Variants in DLGAP2 observed in about 807,000 individuals in gnomAD.
DLGAP2 encodes the protein DLG associated protein 2.
Under a neutral mutation model 100.3 loss-of-function variants are expected in DLGAP2, and 26 were observed. The ratio of observed to expected loss-of-function variants is 0.26; its 90% CI spans 0.19 to 0.36. The LOEUF is 0.36. Ranked by LOEUF, DLGAP2 falls within the 10% of genes least tolerant of loss-of-function variation. The pLI is 1.00. For missense variants in DLGAP2, 1,858 were observed against 1,453.2 expected, an observed-to-expected ratio of 1.28 and a Z score of -4.53; for synonymous variants, 886 against 630.1, an observed-to-expected ratio of 1.41 and a Z score of -6.08.
chr8:980,627 A>G (rs1800304279), intron 2 of DLGAP2, among the ~76,000 whole-genome samples: 1 of 152,196 alleles, frequency 6.6e-6, no homozygotes, highest in Admixed American at 6.5e-5. Context: ...ACAGAGGTGA[A>G]TCCAGGTGGG....
At chr8:1,689,487 C>T (rs959495601) in intron 12 of DLGAP2, among the ~76,000 whole-genome samples, 15 of 152,256 alleles carry the variant, frequency 9.9e-5, no homozygotes, top group Non-Finnish European at 2.1e-4. Context: ...TTTTCCTACA[C>T]CATTTTCCAC....
intron 13 of DLGAP2, among the ~76,000 whole-genome samples, chr8:1,694,763 A>G (rs936287947): frequency 1.3e-5 from 2 of 152,072 alleles, no homozygotes; most frequent in Non-Finnish European, 2.9e-5. Flanking sequence ...AGAGCCACAG[A>G]GCTGTGTGAA....
chr8:1,115,793 G>A (rs952801884), intron 2 of DLGAP2, among the ~76,000 whole-genome samples: 1 of 152,180 alleles, frequency 6.6e-6, no homozygotes, highest in Non-Finnish European at 1.5e-5. Context: ...AGGCACAAAT[G>A]ACAGTTTTCG....
chr8:1,335,118 C>T (rs1043420720), intron 3 of DLGAP2, among the ~76,000 whole-genome samples: 1 of 152,194 alleles, frequency 6.6e-6, no homozygotes, highest in South Asian at 2.1e-4. Context: ...ACTCCTCATC[C>T]AAGACACGGT....
chr8:1,313,323 C>T (rs566331138), intron 3 of DLGAP2, among the ~76,000 whole-genome samples: 2 of 152,182 alleles, frequency 1.3e-5, no homozygotes, highest in Non-Finnish European at 1.5e-5. Context: ...GAATGTAAAA[C>T]TTGACACTTA....
intron 4 of DLGAP2, among the ~76,000 whole-genome samples, chr8:1,507,563 G>T (rs941751631): frequency 2.6e-5 from 4 of 152,140 alleles, no homozygotes; most frequent in Non-Finnish European, 4.4e-5. Flanking sequence ...CAGCCCCCAG[G>T]GCAGTGGCTG....
At chr8:1,106,352 G>A (rs1804769002) in intron 2 of DLGAP2, among the ~76,000 whole-genome samples, 1 of 150,914 alleles carries the variant, frequency 6.6e-6, no homozygotes, top group Admixed American at 6.6e-5. Flanking sequence ...TTCTATTGAG[G>A]GGAGCCATTC....
intron 4 of DLGAP2, among the ~76,000 whole-genome samples, chr8:1,512,050 C>T (rs553457574): frequency 2.1e-4 from 32 of 152,320 alleles, no homozygotes; most frequent in African/African-American, 7.7e-4. Context: ...TCCCTGAGAA[C>T]GGTGTTCCTC....
intron 1 of DLGAP2, among the ~76,000 whole-genome samples, chr8:895,676 C>T (rs1798132801): frequency 6.6e-6 from 1 of 152,232 alleles, no homozygotes; most frequent in East Asian, 1.9e-4. Context: ...AGAGCCCTTT[C>T]GGTGGTGGTG....
intron 3 of DLGAP2, among the ~76,000 whole-genome samples, chr8:1,330,765 T>TGGGGA (rs1801137150): frequency 1.0e-5 from 1 of 97,726 alleles, no homozygotes; most frequent in African/African-American, 4.3e-5. Flanking sequence ...CACCGCTTCA[T>TGGGGA]CGGGACCGAG....
intron 2 of DLGAP2, among the ~76,000 whole-genome samples, chr8:1,239,597 A>G (rs1798737777): frequency 2.1e-5 from 2 of 93,960 alleles, no homozygotes; most frequent in Non-Finnish European, 4.1e-5. Flanking sequence ...GTTACCTATC[A>G]CATGGTGCCG....
chr8:1,361,453 G>C (rs1801980259), intron 3 of DLGAP2, among the ~76,000 whole-genome samples: 1 of 152,226 alleles, frequency 6.6e-6, no homozygotes, highest in South Asian at 2.1e-4. Context: ...AATCTCTGTA[G>C]TTTTTCCCCT....
chr8:1,386,314 T>C (rs746104433), intron 3 of DLGAP2, among the ~76,000 whole-genome samples: 15 of 152,148 alleles, frequency 9.9e-5, no homozygotes, highest in Non-Finnish European at 8.8e-5. Context: ...GGCAGGTGCA[T>C]GAACTCCCCA....
chr8:1,046,894 G>C (rs556893027), intron 2 of DLGAP2, among the ~76,000 whole-genome samples: 1 of 151,848 alleles, frequency 6.6e-6, no homozygotes, highest in Non-Finnish European at 1.5e-5. Context: ...GTCAGTGCTT[G>C]GTAAATGCAC....
intron 1 of DLGAP2, among the ~76,000 whole-genome samples, chr8:879,283 G>A (rs564074753): frequency 6.6e-6 from 1 of 152,304 alleles, no homozygotes; most frequent in Non-Finnish European, 1.5e-5. Flanking sequence ...GCAATAATTT[G>A]TGAAGACCAT....
intron 3 of DLGAP2, among the ~76,000 whole-genome samples, chr8:1,411,965 A>G (rs979878289): frequency 6.6e-6 from 1 of 152,188 alleles, no homozygotes; most frequent in Admixed American, 6.5e-5. Context: ...ACATGCTCCG[A>G]AAACCTACAG....
intron 2 of DLGAP2, among the ~76,000 whole-genome samples, chr8:1,182,991 G>T (rs1277040897): frequency 6.6e-6 from 1 of 152,224 alleles, no homozygotes; most frequent in African/African-American, 2.4e-5. Flanking sequence ...GCGAGCTGGG[G>T]CCAGTTCCTG....
At position 1,702,537 on chromosome 8, in the gene DLGAP2, T is replaced by C. The variant is rs1436506597; in HGVS notation, c.*1131T>C. 2 of 152,582 alleles carry C rather than the reference T, an allele frequency of 1.3e-5. No individual in the cohort carries two copies. Among genetic ancestry groups the C allele is most frequent in the Non-Finnish European group, 2.9e-5 (2 of 68,038 alleles). 9.5% of individuals were successfully genotyped at this position (152,582 alleles called of 1,614,324 possible). A position where few individuals can be genotyped will look rare whatever the true frequency, so the allele number is the denominator to read the frequency against. On this transcript the variant is annotated 3_prime_UTR_variant, in exon 15 of 15. Transcript: ENST00000637795. ...ATTCTTTTGTCCTATGCAGTATTGCTAAAGTCGAGAATATATTCCTTGCCT... is the reference window on the plus strand; with the variant it reads ...ATTCTTTTGTCCTATGCAGTATTGCCAAAGTCGAGAATATATTCCTTGCCT...
chr8:1,431,629 C>A (rs377765656), intron 3 of DLGAP2, among the ~76,000 whole-genome samples: 17 of 151,534 alleles, frequency 1.1e-4, no homozygotes, highest in African/African-American at 3.9e-4. Context: ...ATCACAGGCT[C>A]GCTGGCGTGG....
Sources: allele counts gnomAD v4.1 joint callset (sites outside exome capture counted in the v4.1 genomes callset), GRCh38; gene constraint gnomAD v4.1.1; transcripts MANE v1.5; gene names NCBI Gene and HGNC (gene_info 2026-07-23, HGNC 2026-07-21).